Variants in DDR1 observed in about 807,000 individuals in gnomAD.
The protein encoded by DDR1 is discoidin domain receptor tyrosine kinase 1.
A neutral mutation model predicts 97.4 loss-of-function variants in DDR1; 64 were observed. The ratio of observed to expected loss-of-function variants is 0.66; its 90% CI spans 0.54 to 0.81. DDR1 has a LOEUF of 0.81. DDR1 is among the 30% of genes least tolerant of loss of function. The pLI is 0.00. For missense variants in DDR1, 990 were observed against 1,259.6 expected (o/e 0.79, Z 3.24); for synonymous variants, 458 against 503.7 (o/e 0.91, Z 1.21).
Position 30,890,848 on chromosome 6 carries a change from C to T in DDR1, c.418-125C>T. On this transcript the variant is annotated intron_variant, in intron 4 of 17. Coordinates refer to ENST00000376568, the MANE Select transcript of DDR1 (RefSeq NM_001297654.2). This position sits in a 1 kb window ranked among gnomAD's most constrained non-coding sequence, Gnocchi z 5.0. ...TGGCTGCGCCCCACAGTGCTGTGTG[C>T]TCGGTGCCACCCCTCATGGGTCTCT... The T allele has an allele frequency of 9.9e-7, 1 of 1,009,376 alleles. No individual in the cohort carries two copies. Among genetic ancestry groups the T allele is most frequent in the South Asian group, 1.8e-5 (1 of 56,534 alleles). The allele number at this position is 1,009,376 out of a possible 1,614,324, so 62.5% of individuals were successfully genotyped here. A position where few individuals can be genotyped will look rare whatever the true frequency, so the allele number is the denominator to read the frequency against.
In DDR1 at chr6:30,891,021, G is replaced by C. The variant is rs144609719; in HGVS notation, c.466G>C (p.Gly156Arg). The C allele has an allele frequency of 2.5e-6, 4 of 1,612,708 alleles. No individual in the cohort carries two copies. In the African/African-American group the frequency reaches 4.0e-5, roughly 16 times the overall value. The change falls in exon 5 of 18, where the codon GGG becomes CGG. Residue 156 changes from glycine (G) to arginine (R), a missense_variant. By Grantham distance (125) the Gly-to-Arg change is moderately radical (BLOSUM62 -2). Coordinates refer to ENST00000376568, the MANE Select transcript of DDR1 (RefSeq NM_001297654.2). The surrounding 1 kb of genome is among the most constrained non-coding windows in gnomAD (Gnocchi z 5.3). ...DPEGVVLKDL[G>R]PPMVARLVRF... ...TGAGGGAGTGGTGCTGAAGGACCTT[G>C]GGCCCCCCATGGTTGCCCGACTGGT...
rs2150358831 is a variant in DDR1, at chr6:30,892,467, G to A, written c.1024G>A (p.Val342Met). The A allele has an allele frequency of 6.2e-7, 1 of 1,610,382 alleles. No homozygotes were observed. Among genetic ancestry groups the A allele is most frequent in the Non-Finnish European group, 8.5e-7 (1 of 1,179,694 alleles). Residue 342 changes from valine to methionine, a missense_variant, in exon 8 of 18, where the codon GTG becomes ATG. By Grantham distance (21) the Val-to-Met change is conservative. Transcript: ENST00000376568. Reference protein sequence around the residue: ...RAVSVPLGGRVARFLQCRFLF... With the variant: ...RAVSVPLGGRMARFLQCRFLF... ...TGTCTCAGTGCCCCTTGGCGGCCGT[G>A]TGGCTCGCTTTCTGCAGTGCCGCTT...
chr6:30,881,901 G>C (rs1314111435), upstream of DDR1: 2 of 152,952 alleles, frequency 1.3e-5, no homozygotes, highest in African/African-American at 4.8e-5. Flanking sequence ...CCCAACCACA[G>C]CTGAGCTGTT....
chr6:30,883,570 GACCACTCA>G (rs1311240715), upstream of DDR1: 2 of 153,216 alleles, frequency 1.3e-5, no homozygotes, highest in Non-Finnish European at 2.9e-5. This position sits in a 1 kb window ranked among gnomAD's most constrained non-coding sequence, Gnocchi z 4.9. Context: ...TCCTCCTCCC[GACCACTCA>G]ACTTTGTCCT....
At position 30,892,402 on chromosome 6, in the gene DDR1, A is replaced by G; in HGVS notation, c.959A>G (p.His320Arg). ...GCCTGGGAGGGGGAGCCCATGCGCC[A>G]CAACCTAGGGGGCAACCTGGGGGAC... is the stretch of plus-strand genomic sequence containing the variant. ...AMAWEGEPMRHNLGGNLGDPR... is the reference protein window; with the variant it reads ...AMAWEGEPMRRNLGGNLGDPR... The change falls in exon 8 of 18, where the codon CAC becomes CGC. Residue 320 changes from histidine to arginine, a missense_variant. Physicochemically the swap from His to Arg is conservative, Grantham distance 29. Transcript: ENST00000376568. 6.3e-7 allele frequency: 1 copy of G among 1,599,910 alleles called. No individual in the cohort carries two copies. The highest frequency in any genetic ancestry group is 2.2e-5 in the East Asian group (1 of 44,790).
upstream of DDR1, among the ~76,000 whole-genome samples, chr6:30,882,294 G>A (rs142045129): frequency 5.1e-3 from 771 of 152,354 alleles, 3 homozygotes; most frequent in Middle Eastern, 0.024. This position sits in a 1 kb window ranked among gnomAD's most constrained non-coding sequence, Gnocchi z 4.8. Context: ...TGGGCAGCAG[G>A]CTGCCACTGG....
intron 13 of DDR1, 28 bp from the exon 14 acceptor site, chr6:30,896,986 C>G: frequency 6.2e-7 from 1 of 1,602,896 alleles, no homozygotes; most frequent in Non-Finnish European, 8.5e-7. Flanking sequence ...ACCCTGTGAC[C>G]GCCTAGCAAA....
Position 30,895,470 on chromosome 6 carries a change from C to T in DDR1, c.1580C>T (p.Pro527Leu), listed in dbSNP as rs201876615. 110 of 1,606,664 alleles carry T rather than the reference C, an allele frequency of 6.8e-5. No individual in the cohort carries two copies. The highest frequency in any genetic ancestry group is 1.7e-4 in the Middle Eastern group (1 of 6,050). Residue 527 changes from proline (P) to leucine (L), a missense_variant, in exon 12 of 18, where the codon CCG becomes CTG. Physicochemically the swap from Pro to Leu is moderately conservative, Grantham distance 98. Coordinates refer to ENST00000376568, the MANE Select transcript of DDR1 (RefSeq NM_001297654.2). ...LATYARPPRG[P>L]GPPTPAWAKP... ...ACTTACGCCCGTCCCCCTCGAGGCC[C>T]GGGCCCCCCCACACCCGCCTGGGCC...
upstream of DDR1, chr6:30,882,072 A>C (rs1019847172): frequency 6.6e-6 from 1 of 152,404 alleles, no homozygotes; most frequent in African/African-American, 2.4e-5. This position sits in a 1 kb window ranked among gnomAD's most constrained non-coding sequence, Gnocchi z 4.8. Context: ...CCAGCTGCTG[A>C]CCCAGCCTGC....
At chr6:30,885,387 A>C in intron 1 of DDR1, 2 of 964,320 alleles carry the variant, frequency 2.1e-6, no homozygotes, top group South Asian at 3.2e-5. Context: ...TGGTGGAGAC[A>C]GGTGAAAGGG....
chr6:30,898,873 T>G lies in DDR1; in HGVS notation c.2452-15T>G, dbSNP rs1175491749. The G allele has an allele frequency of 1.2e-6, 2 of 1,600,128 alleles. No homozygotes were observed. Among genetic ancestry groups the G allele is most frequent in the African/African-American group, 2.7e-5 (2 of 74,636 alleles). On this transcript the variant is annotated splice_polypyrimidine_tract_variant and intron_variant, in intron 16 of 17. Coordinates refer to ENST00000376568, the MANE Select transcript of DDR1 (RefSeq NM_001297654.2). ...GATGTCCCTGTCTGTTTTTGCTGCC[T>G]TCTCTGCATCCCAGGGGAAGTTCAC...
upstream of DDR1, chr6:30,883,546 C>G (rs1399768124): frequency 2.0e-5 from 3 of 153,748 alleles, no homozygotes; most frequent in African/African-American, 7.2e-5. This position sits in a 1 kb window ranked among gnomAD's most constrained non-coding sequence, Gnocchi z 4.9. Context: ...CCATCCTTCT[C>G]CTGCTCCTCT....
intron 15 of DDR1, 69 bp from the exon 16 acceptor site, chr6:30,898,004 T>G: frequency 1.6e-6 from 2 of 1,264,076 alleles, no homozygotes; most frequent in Non-Finnish European, 2.3e-6. Flanking sequence ...GGGAGTGGGC[T>G]CTCTCTCCTC....
At chr6:30,887,773 C>CT (rs1328846358) in intron 1 of DDR1, among the ~76,000 whole-genome samples, 2 of 152,014 alleles carry the variant, frequency 1.3e-5, no homozygotes, top group African/African-American at 4.8e-5. Flanking sequence ...TTATTTTTCA[C>CT]TTTTTTTAAA....
In DDR1 at chr6:30,893,558, T is replaced by C; in HGVS notation, c.1347+135T>C. ...CTTAGTAAAGAGACCACTTACACCA[T>C]GTCAAAGAGGGTATGGGGCTCACAG... On this transcript the variant is annotated intron_variant, in intron 10 of 17. Transcript: ENST00000376568. 3.5e-6 allele frequency: 5 copies of C among 1,439,066 alleles called. No homozygotes were observed. In the South Asian group the frequency reaches 4.3e-5, roughly 12 times the overall value. The allele number at this position is 1,439,066 out of a possible 1,614,324, so 89.1% of individuals were successfully genotyped here. A position where few individuals can be genotyped will look rare whatever the true frequency, so the allele number is the denominator to read the frequency against.
Position 30,900,129 on chromosome 6 carries a change from GTAA to G in DDR1, c.*840_*842del. 1.7e-6 allele frequency: 1 copy of G among 582,316 alleles called. No homozygotes were observed. Among genetic ancestry groups the G allele is most frequent in the East Asian group, 3.5e-5 (1 of 28,684 alleles). The allele number at this position is 582,316 out of a possible 1,614,324, so 36.1% of individuals were successfully genotyped here. On this transcript the variant is annotated 3_prime_UTR_variant, in exon 18 of 18. Transcript: ENST00000376568. ...AATTTTAATCCCCTGCACTAGGCAG[GTAA>G]TAATAAAGGTTGAGTTTTCCACAAC...
Position 30,893,404 on chromosome 6 carries a change from G to A in DDR1, c.1328G>A (p.Trp443Ter). Residue 443 changes from tryptophan (W) to a stop codon, truncating the protein, a stop_gained, in exon 10 of 18, where the codon TGG becomes TAG. Coordinates refer to ENST00000376568, the MANE Select transcript of DDR1 (RefSeq NM_001297654.2). LOFTEE classifies it high-confidence loss of function. ...IIALMLWRLHWRRLLSKAERR... is the reference protein window; with the variant it reads ...IIALMLWRLH Reference sequence around the variant, plus strand: ...GCCCTCATGCTCTGGCGGCTGCACTGGCGCAGGCTCCTCAGCAAGGTGGGC... The same window carrying A: ...GCCCTCATGCTCTGGCGGCTGCACTAGCGCAGGCTCCTCAGCAAGGTGGGC... The A allele has an allele frequency of 6.2e-7, 1 of 1,605,228 alleles. No homozygotes were observed. Among genetic ancestry groups the A allele is most frequent in the Non-Finnish European group, 8.5e-7 (1 of 1,179,690 alleles).
At chr6:30,892,771 G>A in intron 8 of DDR1, 1 of 601,774 alleles carries the variant, frequency 1.7e-6, no homozygotes, top group Non-Finnish European at 2.8e-6. Context: ...TATTGAGCCA[G>A]TATGACAGTA....
chr6:30,888,712 C>A lies in DDR1; in HGVS notation c.-18C>A, dbSNP rs1399255662. On this transcript the variant is annotated 5_prime_UTR_variant, in exon 2 of 18. Coordinates refer to ENST00000376568, the MANE Select transcript of DDR1 (RefSeq NM_001297654.2). The surrounding 1 kb of genome is among the most constrained non-coding windows in gnomAD (Gnocchi z 4.2). ...GAGATGCTGCCCCCACCCCCTTAGG[C>A]CCGAGGGATCAGGAGCTATGGGACC... 6.2e-7 allele frequency: 1 copy of A among 1,612,676 alleles called. No homozygotes were observed. The highest frequency in any genetic ancestry group is 8.5e-7 in the Non-Finnish European group (1 of 1,179,942).
Sources: allele counts gnomAD v4.1 joint callset (sites outside exome capture counted in the v4.1 genomes callset), GRCh38; gene constraint gnomAD v4.1.1; non-coding constraint Gnocchi (gnomAD v3.1); transcripts MANE v1.5; gene names NCBI Gene and HGNC (gene_info 2026-07-23, HGNC 2026-07-21).